Variants in GABPB2 observed in about 807,000 individuals in gnomAD.
GABPB2 encodes the protein GA-binding protein subunit beta-2.
A neutral mutation model predicts 39.1 loss-of-function variants in GABPB2; 23 were observed. The observed-to-expected ratio is 0.59, with a 90% CI of 0.42 to 0.83. GABPB2 has a LOEUF of 0.83. Ranked by LOEUF, GABPB2 falls within the 40% of genes least tolerant of loss-of-function variation. GABPB2 has a pLI of 0.00. For missense variants in GABPB2, 467 were observed against 541.1 expected, an observed-to-expected ratio of 0.86 and a Z score of 1.36; for synonymous variants, 184 against 199.3, an observed-to-expected ratio of 0.92 and a Z score of 0.65.
intron 1 of GABPB2, among the ~76,000 whole-genome samples, chr1:151,083,025 AACAC>A (rs1335211986): frequency 6.6e-6 from 1 of 152,124 alleles, no homozygotes; most frequent in East Asian, 1.9e-4. Flanking sequence ...GGAATTTGAA[AACAC>A]ATCAGTGAAT....
rs587700602 is a variant in GABPB2 at position 151,099,523 on chromosome 1, A to AT, written c.622+1529dup. Among the ~76,000 whole-genome samples the AT allele has an allele frequency of 5.3e-5, 8 of 152,098 alleles. No individual in the cohort carries two copies. In the East Asian group the frequency reaches 7.7e-4, roughly 15 times the overall value. Reference sequence around the variant, plus strand: ...TCAGTTAGCATCTCCTTTTATAAATATTTTTTTTACAATGAAATAACTTGT... The same window carrying AT: ...TCAGTTAGCATCTCCTTTTATAAATATTTTTTTTTACAATGAAATAACTTGT... On this transcript the variant is annotated intron_variant, in intron 5 of 8. Coordinates refer to ENST00000368918, the MANE Select transcript of GABPB2 (RefSeq NM_144618.3).
chr1:151,110,802 A>C (rs991338558), intron 7 of GABPB2, among the ~76,000 whole-genome samples: 2 of 152,160 alleles, frequency 1.3e-5, no homozygotes, highest in Non-Finnish European at 2.9e-5. Context: ...CAAAGAAGGA[A>C]AACAGATTTC....
intron 3 of GABPB2, among the ~76,000 whole-genome samples, chr1:151,091,855 C>T (rs1416461059): frequency 6.6e-6 from 1 of 152,066 alleles, no homozygotes; most frequent in Non-Finnish European, 1.5e-5. Context: ...TCATAGCTCA[C>T]TGCAGTTTTC....
chr1:151,100,580 C>CTTTTTTT (rs35251516), intron 5 of GABPB2, among the ~76,000 whole-genome samples: 2 of 46,688 alleles, frequency 4.3e-5, no homozygotes, highest in Non-Finnish European at 7.6e-5. Context: ...TGTGCCTGGC[C>CTTTTTTT]TTTTTTTTTT....
rs1314326940 is a variant in GABPB2 at position 151,090,454 on chromosome 1, AC to A, written c.158del (p.Thr53LysfsTer18). On this transcript the variant is annotated frameshift_variant, in exon 3 of 9. Transcript: ENST00000368918. LOFTEE classifies it high-confidence loss of function. The stretch of plus-strand genomic sequence containing the variant: ...TGCAGCTCAATATGGTCATTATTCC[AC>A]AGCAGAAGTACTCCTTCGAGCAGGT... ...HLAAQYGHYSTAEVLLRAGVS... is the reference protein window; with the variant it reads ...HLAAQYGHYSXAEVLLRAGVS... 1 of 1,614,094 alleles carries A rather than the reference AC, an allele frequency of 6.2e-7. No individual in the cohort carries two copies. The highest frequency in any genetic ancestry group is 1.1e-5 in the South Asian group (1 of 91,076).
chr1:151,090,415 T>C lies in GABPB2; in HGVS notation c.118T>C (p.Ser40Pro). 1 of 1,613,940 alleles carries C rather than the reference T, an allele frequency of 6.2e-7. No individual in the cohort carries two copies. The highest frequency in any genetic ancestry group is 1.3e-5 in the African/African-American group (1 of 75,040). The change falls in exon 3 of 9, where the codon TCA (serine) becomes CCA (proline). Residue 40 changes from serine (S) to proline (P), a missense_variant. Ser to Pro is a moderately conservative substitution (Grantham distance 74, BLOSUM62 -1). Transcript: ENST00000368918. The part of the protein sequence containing the change: ...APFTTDWLGT[S>P]PLHLAAQYGH... ...CATTATTTTTCCACAGCTTGGAACA[T>C]CACCCCTCCACCTTGCAGCTCAATA...
rs139033835 is a variant in GABPB2 at position 151,097,947 on chromosome 1, T to C, written c.567T>C (p.Gly189=). ...CTGCTCCATTCATCTTCACGTCGGG[T>C]GAGGTTGTTAACCTCGCAAGCCTTA... ...SMAAPFIFTS[G]EVVNLASLIS... is the part of the protein sequence containing the mutation. The change falls in exon 5 of 9, where the codon GGT becomes GGC. Residue 189 remains glycine (G), a synonymous_variant. Transcript: ENST00000368918. 1.7e-5 allele frequency: 27 copies of C among 1,613,548 alleles called. No homozygotes were observed. The highest frequency in any genetic ancestry group is 1.6e-4 in the African/African-American group (12 of 75,028).
At chr1:151,087,831 A>G (rs982705992) in intron 1 of GABPB2, among the ~76,000 whole-genome samples, 2 of 152,168 alleles carry the variant, frequency 1.3e-5, no homozygotes, top group Admixed American at 6.6e-5. Flanking sequence ...ATCAAAGTAC[A>G]TACTTTATTA....
intron 1 of GABPB2, among the ~76,000 whole-genome samples, chr1:151,077,243 A>G (rs1558123391): frequency 6.6e-6 from 1 of 152,064 alleles, no homozygotes; most frequent in Non-Finnish European, 1.5e-5. Flanking sequence ...GTCCCTGTAC[A>G]GGGTTCCTGA....
chr1:151,071,927 C>T (rs1359488395), intron 1 of GABPB2, among the ~76,000 whole-genome samples: 1 of 152,246 alleles, frequency 6.6e-6, no homozygotes, highest in Non-Finnish European at 1.5e-5. Flanking sequence ...TCCCATTCCT[C>T]TCCCTTTTCC....
intron 1 of GABPB2, among the ~76,000 whole-genome samples, chr1:151,076,855 G>A (rs1188828818): frequency 1.4e-5 from 2 of 141,728 alleles, no homozygotes; most frequent in East Asian, 2.2e-4. Context: ...GTGCAGTGGC[G>A]CAATCTCGGC....
At chr1:151,099,156 A>T (rs1356324978) in intron 5 of GABPB2, among the ~76,000 whole-genome samples, 1 of 151,724 alleles carries the variant, frequency 6.6e-6, no homozygotes, top group South Asian at 2.1e-4. Flanking sequence ...ATAAGAATGA[A>T]TGAGTTTGTT....
At chr1:151,080,510 T>TATAAATAA (rs1558126612) in intron 1 of GABPB2, among the ~76,000 whole-genome samples, 5 of 134,798 alleles carry the variant, frequency 3.7e-5, no homozygotes, top group African/African-American at 1.5e-4. Context: ...AAACTCCATC[T>TATAAATAA]CTAAATAAAT....
At chr1:151,113,615 C>G (rs1413522483) in intron 7 of GABPB2, among the ~76,000 whole-genome samples, 1 of 151,994 alleles carries the variant, frequency 6.6e-6, no homozygotes, top group Non-Finnish European at 1.5e-5. Flanking sequence ...AGATTCAGTA[C>G]AGTTCTAAGA....
At chr1:151,097,751 C>G in intron 4 of GABPB2, 101 bp from the exon 5 acceptor site, 1 of 1,197,104 alleles carries the variant, frequency 8.4e-7, no homozygotes, top group Non-Finnish European at 1.2e-6. Flanking sequence ...TGCACTCCAG[C>G]CTGGGTGGCA....
At chr1:151,077,975 A>G (rs1677324376) in intron 1 of GABPB2, among the ~76,000 whole-genome samples, 1 of 150,474 alleles carries the variant, frequency 6.6e-6, no homozygotes, top group East Asian at 2.0e-4. Flanking sequence ...TTTCTTTAGA[A>G]TAATAAAAAT....
chr1:151,118,552 TA>T lies in GABPB2; in HGVS notation c.*299del. 5 of 261,890 alleles carry T rather than the reference TA, an allele frequency of 1.9e-5. No individual in the cohort carries two copies. Among genetic ancestry groups the T allele is most frequent in the Non-Finnish European group, 2.9e-5 (4 of 137,826 alleles). 16.2% of individuals were successfully genotyped at this position (261,890 alleles called of 1,614,324 possible). On this transcript the variant is annotated 3_prime_UTR_variant, in exon 9 of 9. Coordinates refer to ENST00000368918, the MANE Select transcript of GABPB2 (RefSeq NM_144618.3). The stretch of plus-strand genomic sequence containing the variant: ...ATGTTGTGGGTTGATTTTTTTTTTT[TA>T]AATAACTGACTTTCTCACAAAAGAT...
At chr1:151,078,028 T>G (rs1677330894) in intron 1 of GABPB2, among the ~76,000 whole-genome samples, 3 of 151,490 alleles carry the variant, frequency 2.0e-5, no homozygotes, top group Admixed American at 2.0e-4. Context: ...CCCAGCACTT[T>G]GGGAGGCTGA....
Position 151,117,839 on chromosome 1 carries a change from C to T in GABPB2, c.1048-118C>T, listed in dbSNP as rs1680997398. ...CCTCAGATAATCTGCCTACCTCTGCCTCCCAAAGTGCTTGGATTATAGGTG... is the reference window on the plus strand; with the variant it reads ...CCTCAGATAATCTGCCTACCTCTGCTTCCCAAAGTGCTTGGATTATAGGTG... On this transcript the variant is annotated intron_variant, in intron 8 of 8. Transcript: ENST00000368918. 9 of 1,003,756 alleles carry T rather than the reference C, an allele frequency of 9.0e-6. No homozygotes were observed. The South Asian group carries it at 1.4e-4, about 16-fold the overall frequency. The allele number at this position is 1,003,756 out of a possible 1,614,324, so 62.2% of individuals were successfully genotyped here.
Sources: gnomAD v4.1 joint callset for allele counts (sites outside exome capture counted in the v4.1 genomes callset) on GRCh38, gnomAD v4.1.1 for gene constraint, MANE v1.5 for transcripts, NCBI Gene and HGNC (gene_info 2026-07-23, HGNC 2026-07-21) for gene names.